HEPHL1: variants seen among roughly 807,000 people sequenced by gnomAD.
HEPHL1 encodes the protein hephaestin like 1.
In HEPHL1, 123 loss-of-function variants were observed where a neutral mutation model predicts 122.0. The ratio of observed to expected loss-of-function variants is 1.01; its 90% confidence interval spans 0.87 to 1.17. HEPHL1 has a LOEUF of 1.17. Ranked by LOEUF, HEPHL1 falls within the 50% of genes most tolerant of loss-of-function variation. The probability of loss-of-function intolerance (pLI) is 0.00; values close to 1 mark genes in which losing one functional copy is unlikely to be tolerated. For missense variants in HEPHL1, 1,452 were observed against 1,430.5 expected (o/e 1.01, Z -0.24); for synonymous variants, 527 against 508.9 (o/e 1.04, Z -0.48).
chr11:94,042,882 A>AAAAAAAAAAAAAAACAAAC (rs1449884226), intron 1 of HEPHL1, among the ~76,000 whole-genome samples: 72 of 136,872 alleles, frequency 5.3e-4, no homozygotes, highest in African/African-American at 1.9e-3. Context: ...TAATAAAAAA[A>AAAAAAAAAAAAAAACAAAC]AAAAAAAAAA....
At position 94,057,749 on chromosome 11, in the gene HEPHL1, A is replaced by C. The variant is rs529517709; in HGVS notation, c.416-5759A>C. ...AGCTGCTTTGAAGTCTTTCTCTGCT[A>C]AATTCAACCTATAAGGACATATAGA... On this transcript the variant is annotated intron_variant, in intron 2 of 19. Coordinates refer to ENST00000315765, the MANE Select transcript of HEPHL1 (RefSeq NM_001098672.2). 3.4e-4 allele frequency among the ~76,000 whole-genome samples: 52 copies of C among 152,276 alleles called. 1 individual carries two copies. The South Asian group carries it at 0.011, about 31-fold the overall frequency.
At chr11:94,089,120 GC>G (rs1316848199) in intron 12 of HEPHL1, among the ~76,000 whole-genome samples, 152 bp downstream of exon 12, 2 of 152,200 alleles carry the variant, frequency 1.3e-5, no homozygotes, top group Non-Finnish European at 2.9e-5. Flanking sequence ...TAGGGAAGCT[GC>G]CCACCTCGGC....
intron 1 of HEPHL1, among the ~76,000 whole-genome samples, chr11:94,031,142 G>A (rs1945671084): frequency 6.6e-6 from 1 of 151,918 alleles, no homozygotes; most frequent in African/African-American, 2.4e-5. Context: ...CTTGTTTTTA[G>A]TATTGAATTT....
chr11:94,111,481 T>A, intron 18 of HEPHL1, 56 bp from the exon 19 acceptor site: 1 of 1,358,482 alleles, frequency 7.4e-7, no homozygotes, highest in South Asian at 1.2e-5. Context: ...ACTAGTGTCA[T>A]GAAAAGAATC....
At chr11:94,091,220 A>G (rs925183869) in intron 12 of HEPHL1, among the ~76,000 whole-genome samples, 4 of 152,198 alleles carry the variant, frequency 2.6e-5, no homozygotes, top group Admixed American at 1.3e-4. Context: ...TTTGCTCAGC[A>G]TCTCTTGCAC....
intron 6 of HEPHL1, among the ~76,000 whole-genome samples, chr11:94,071,309 C>G (rs1410665808): frequency 6.8e-6 from 1 of 148,088 alleles, no homozygotes; most frequent in Non-Finnish European, 1.5e-5. Context: ...AATAAAACAT[C>G]ATTTGTTTCT....
rs1021160997 is a variant in HEPHL1 at position 94,041,506 on chromosome 11, G to T, written c.171-4167G>T. 2.2e-4 allele frequency among the ~76,000 whole-genome samples: 26 copies of T among 119,072 alleles called. 1 individual carries two copies. Among genetic ancestry groups the T allele is most frequent in the African/African-American group, 7.7e-4 (23 of 29,858 alleles). The allele number at this position is 119,072 out of a possible 152,430, so 78.1% of individuals were successfully genotyped here. A position where few individuals can be genotyped will look rare whatever the true frequency, so the allele number is the denominator to read the frequency against. On this transcript the variant is annotated intron_variant, in intron 1 of 19. Coordinates refer to ENST00000315765, the MANE Select transcript of HEPHL1 (RefSeq NM_001098672.2). ...AGGCTACAGTAACCAAAACAGCATG[G>T]TACTGGTACCAAAACAGAGATATAG...
intron 4 of HEPHL1, among the ~76,000 whole-genome samples, chr11:94,066,924 G>A (rs556147850): frequency 4.6e-5 from 7 of 152,252 alleles, no homozygotes; most frequent in South Asian, 4.1e-4. Flanking sequence ...AGTAAAAACT[G>A]TTTTTCTCTT....
intron 13 of HEPHL1, among the ~76,000 whole-genome samples, chr11:94,094,322 A>G (rs1023767589): frequency 6.6e-6 from 1 of 152,012 alleles, no homozygotes; most frequent in Non-Finnish European, 1.5e-5. Context: ...TACAAAGGAC[A>G]TGAACTCATC....
intron 9 of HEPHL1, 70 bp from the exon 10 acceptor site, chr11:94,082,348 T>C: frequency 8.2e-7 from 1 of 1,214,188 alleles, no homozygotes; most frequent in South Asian, 1.5e-5. Context: ...GTGTGAACTT[T>C]GAAGGAAAGC....
chr11:94,095,437 C>A (rs982739187), intron 13 of HEPHL1, among the ~76,000 whole-genome samples: 7 of 152,196 alleles, frequency 4.6e-5, no homozygotes, highest in African/African-American at 1.7e-4. Context: ...ATGATGCCTC[C>A]AGCTTAGTTC....
intron 8 of HEPHL1, among the ~76,000 whole-genome samples, chr11:94,073,945 C>T (rs183103038): frequency 1.6e-4 from 24 of 152,150 alleles, no homozygotes; most frequent in Admixed American, 5.9e-4. Flanking sequence ...ATGGCCTCTC[C>T]CCATCACAGA....
At chr11:94,028,191 C>G (rs10765648) in intron 1 of HEPHL1, among the ~76,000 whole-genome samples, 49,390 of 152,046 alleles carry the variant, frequency 0.32, 9,319 homozygotes, top group South Asian at 0.44. Flanking sequence ...TGTTTACTGT[C>G]AAATGCATGT....
In HEPHL1 at chr11:94,064,506, G is replaced by A; in HGVS notation, c.804G>A (p.Met268Ile). ...KDAVFQRSNK[M>I]HALNGYLFGN... ...CTGTTTTCCAGAGGAGTAACAAAAT[G>A]CATGGTGAGTACCTCCCATGTTCCC... The change falls in exon 4 of 20, where the codon ATG becomes ATA. Residue 268 changes from methionine to isoleucine, a missense_variant. By Grantham distance (10) the Met-to-Ile change is conservative. Transcript: ENST00000315765. 3 of 1,609,648 alleles carry A rather than the reference G, an allele frequency of 1.9e-6. No homozygotes were observed. Among genetic ancestry groups the A allele is most frequent in the Non-Finnish European group, 2.5e-6 (3 of 1,176,584 alleles).
At chr11:94,078,028 G>A (rs542503485) in intron 9 of HEPHL1, among the ~76,000 whole-genome samples, 1 of 152,270 alleles carries the variant, frequency 6.6e-6, no homozygotes, top group South Asian at 2.1e-4. Context: ...TGTATAGTAT[G>A]TTTCCTCCTA....
chr11:94,046,090 G>GTTTTTTTT (rs1945833960), intron 2 of HEPHL1, among the ~76,000 whole-genome samples, 173 bp downstream of exon 2: 2 of 6,984 alleles, frequency 2.9e-4, no homozygotes, highest in Admixed American at 2.3e-3. Context: ...TCCCTTTCTT[G>GTTTTTTTT]CTTTTTTTTT....
intron 16 of HEPHL1, among the ~76,000 whole-genome samples, chr11:94,105,788 G>A (rs572452765): frequency 2.0e-5 from 3 of 152,044 alleles, no homozygotes; most frequent in South Asian, 2.1e-4. Flanking sequence ...CTATTTCTCT[G>A]TTCTCGCTCT....
At chr11:94,052,949 G>C (rs1945903467) in intron 2 of HEPHL1, among the ~76,000 whole-genome samples, 1 of 152,000 alleles carries the variant, frequency 6.6e-6, no homozygotes, top group Non-Finnish European at 1.5e-5. Flanking sequence ...TGTGATGTTT[G>C]TATCTGATTT....
chr11:94,062,562 A>G lies in HEPHL1; in HGVS notation c.416-946A>G, dbSNP rs192269923. ...TTCAATATTGAATTCACATTCTTGAATGACTGTGTAAATGAATGAATGGCA... is the reference window on the plus strand; with the variant it reads ...TTCAATATTGAATTCACATTCTTGAGTGACTGTGTAAATGAATGAATGGCA... On this transcript the variant is annotated intron_variant, in intron 2 of 19. Coordinates refer to ENST00000315765, the MANE Select transcript of HEPHL1 (RefSeq NM_001098672.2). 3.6e-3 allele frequency among the ~76,000 whole-genome samples: 549 copies of G among 152,122 alleles called. 4 individuals carry two copies. The highest frequency in any genetic ancestry group is 0.017 in the Middle Eastern group (5 of 292).
Sources: allele counts gnomAD v4.1 joint callset (sites outside exome capture counted in the v4.1 genomes callset), GRCh38; gene constraint gnomAD v4.1.1; transcripts MANE v1.5; gene names NCBI Gene and HGNC (gene_info 2026-07-23, HGNC 2026-07-21).